Variants in CEP15 observed in about 807,000 individuals in gnomAD.
CEP15 encodes the protein centrosomal protein 15.
the CEP15 span, chr3:62,322,101 A>T: frequency 6.4e-7 from 1 of 1,569,606 alleles, no homozygotes; most frequent in African/African-American, 1.4e-5. This position sits in a 1 kb window ranked among gnomAD's most constrained non-coding sequence, Gnocchi z 5.5. Flanking sequence ...CCTTCTCAAA[A>T]ATCTTTTAGG....
the CEP15 span, chr3:62,333,132 G>C: frequency 3.4e-6 from 1 of 295,648 alleles, no homozygotes; most frequent in Non-Finnish European, 5.8e-6. The surrounding 1 kb of genome is among the most constrained non-coding windows in gnomAD (Gnocchi z 4.0). Context: ...CTACATATAT[G>C]TGTGTGTGTG....
the CEP15 span, among the ~76,000 whole-genome samples, chr3:62,333,032 G>C: frequency 5.3e-5 from 8 of 152,140 alleles, no homozygotes; most frequent in Admixed American, 5.2e-4. The surrounding 1 kb of genome is among the most constrained non-coding windows in gnomAD (Gnocchi z 4.0). Context: ...CCAGGCTCTG[G>C]TTTTACTGAG....
At chr3:62,325,458 G>C in the CEP15 span, among the ~76,000 whole-genome samples, 1 of 152,144 alleles carries the variant, frequency 6.6e-6, no homozygotes, top group Non-Finnish European at 1.5e-5. Flanking sequence ...TCAAATATTT[G>C]AGCATATTAG....
At chr3:62,333,999 G>A in the CEP15 span, 1 of 152,012 alleles carries the variant, frequency 6.6e-6, no homozygotes, top group Non-Finnish European at 1.5e-5. This position sits in a 1 kb window ranked among gnomAD's most constrained non-coding sequence, Gnocchi z 4.0. Context: ...CTCAGACTTG[G>A]TTTTGAAAAA....
the CEP15 span, chr3:62,321,892 A>G: frequency 6.7e-7 from 1 of 1,488,508 alleles, no homozygotes. The surrounding 1 kb of genome is among the most constrained non-coding windows in gnomAD (Gnocchi z 4.1). Context: ...GTTTGCTTTT[A>G]CTTTTTTAAC....
At chr3:62,325,611 A>G in the CEP15 span, among the ~76,000 whole-genome samples, 1 of 152,228 alleles carries the variant, frequency 6.6e-6, no homozygotes, top group Non-Finnish European at 1.5e-5. Context: ...CCTTTTAAGA[A>G]CATAACAGAA....
At chr3:62,329,931 A>C in the CEP15 span, among the ~76,000 whole-genome samples, 1 of 152,172 alleles carries the variant, frequency 6.6e-6, no homozygotes, top group Non-Finnish European at 1.5e-5. Flanking sequence ...ATAATCGCAC[A>C]AATGTTATTA....
the CEP15 span, among the ~76,000 whole-genome samples, chr3:62,323,687 C>T: frequency 6.6e-6 from 1 of 152,172 alleles, no homozygotes; most frequent in East Asian, 1.9e-4. Flanking sequence ...GCTAAGAAAT[C>T]GTAGTCATAC....
At chr3:62,322,066 G>A in the CEP15 span, 1 of 1,599,484 alleles carries the variant, frequency 6.3e-7, no homozygotes, top group South Asian at 1.1e-5. This position sits in a 1 kb window ranked among gnomAD's most constrained non-coding sequence, Gnocchi z 5.5. Flanking sequence ...AAGTTTCCAT[G>A]ACTTGAATAT....
the CEP15 span, among the ~76,000 whole-genome samples, chr3:62,326,457 A>G: frequency 6.6e-6 from 1 of 152,228 alleles, no homozygotes; most frequent in Non-Finnish European, 1.5e-5. Flanking sequence ...GTGAGGTATT[A>G]GATTTCAAGT....
chr3:62,330,848 A>T, the CEP15 span, among the ~76,000 whole-genome samples: 2 of 152,298 alleles, frequency 1.3e-5, no homozygotes, highest in East Asian at 3.9e-4. Context: ...AATAAATGAA[A>T]TGTGTGCCAT....
At chr3:62,324,121 A>C in the CEP15 span, 9 of 152,118 alleles carry the variant, frequency 5.9e-5, no homozygotes, top group Non-Finnish European at 8.8e-5. Flanking sequence ...ACAGTGGCTC[A>C]TGTCTATAAT....
At chr3:62,328,906 T>G in the CEP15 span, among the ~76,000 whole-genome samples, 1 of 151,962 alleles carries the variant, frequency 6.6e-6, no homozygotes, top group African/African-American at 2.4e-5. Context: ...AAGTTTTTTT[T>G]TTTTTTTTTT....
At chr3:62,320,603 C>T in the CEP15 span, 2 of 1,099,388 alleles carry the variant, frequency 1.8e-6, no homozygotes, top group African/African-American at 3.2e-5. Flanking sequence ...CACAGGATGA[C>T]TTAAAAATTT....
the CEP15 span, chr3:62,322,321 C>A: frequency 3.5e-6 from 1 of 284,702 alleles, no homozygotes; most frequent in Non-Finnish European, 6.4e-6. This position sits in a 1 kb window ranked among gnomAD's most constrained non-coding sequence, Gnocchi z 5.5. Context: ...GTAAGGTCAC[C>A]CTTTTGCAAG....
At chr3:62,320,611 T>C in the CEP15 span, 1 of 967,754 alleles carries the variant, frequency 1.0e-6, no homozygotes, top group East Asian at 2.5e-5. Flanking sequence ...GACTTAAAAA[T>C]TTGCAAGCAT....
chr3:62,333,165 C>T, the CEP15 span: 4 of 1,246,076 alleles, frequency 3.2e-6, no homozygotes, highest in South Asian at 1.3e-5. The surrounding 1 kb of genome is among the most constrained non-coding windows in gnomAD (Gnocchi z 4.0). Context: ...CACGCATACA[C>T]ACTCTTAAGT....
the CEP15 span, chr3:62,333,473 T>C: frequency 7.0e-7 from 1 of 1,435,606 alleles, no homozygotes; most frequent in Non-Finnish European, 9.4e-7. The surrounding 1 kb of genome is among the most constrained non-coding windows in gnomAD (Gnocchi z 4.0). Context: ...ACTTTAGGAA[T>C]TAAATATGTT....
At chr3:62,319,114 T>C in the CEP15 span, 2 of 152,366 alleles carry the variant, frequency 1.3e-5, no homozygotes, top group African/African-American at 4.8e-5. Flanking sequence ...CGCAGGGCCT[T>C]GCAGGACCGC....
Sources: gnomAD v4.1 joint callset for allele counts (sites outside exome capture counted in the v4.1 genomes callset) on GRCh38, gnomAD v4.1.1 for gene constraint, Gnocchi (gnomAD v3.1) non-coding constraint, MANE v1.5 for transcripts, NCBI Gene and HGNC (gene_info 2026-07-23, HGNC 2026-07-21) for gene names.